The following MAST4 variants were observed in gnomAD, a reference collection of about 807,000 sequenced individuals.
The protein encoded by MAST4 is microtubule associated serine/threonine kinase family member 4, also known as microtubule-associated serine/threonine-protein kinase 4.
MAST4 carries 89 observed loss-of-function variants against 162.7 expected under a neutral mutation model. That is an observed-to-expected ratio of 0.55 (90% CI 0.46 to 0.65). The LOEUF (loss-of-function observed/expected upper bound fraction) is 0.65, where lower values mean the gene tolerates loss of function less well. Ranked by LOEUF, MAST4 falls within the 30% of genes least tolerant of loss-of-function variation. The pLI is 0.00. For missense variants in MAST4, 3,153 were observed against 3,374.0 expected (o/e 0.93, Z 1.62); for synonymous variants, 1,479 against 1,361.1 (o/e 1.09, Z -1.91).
At chr5:67,075,492 A>G (rs1454875440) in intron 5 of MAST4, among the ~76,000 whole-genome samples, 10 of 148,252 alleles carry the variant, frequency 6.7e-5, no homozygotes, top group South Asian at 2.2e-4. Context: ...TGTTTTTTTT[A>G]TGACATGCAT....
At position 66,883,420 on chromosome 5, in the gene MAST4, C is replaced by CT. The variant is rs1484230630; in HGVS notation, c.643-16530dup. On this transcript the variant is annotated intron_variant, in intron 3 of 28. Coordinates refer to ENST00000403625, the MANE Select transcript of MAST4 (RefSeq NM_001164664.2). ...AGGGCACAGTTGTGTTGTTCTGTCA[C>CT]TGTTTTTTTTTTTTTTTTTTTTTTT... Among the ~76,000 whole-genome samples, 22 of 125,522 alleles carry CT rather than the reference C, an allele frequency of 1.8e-4. 2 individuals are homozygous for CT. Among genetic ancestry groups the CT allele is most frequent in the Non-Finnish European group, 2.3e-4 (14 of 60,962 alleles). The allele number at this position is 125,522 out of a possible 152,430, so 82.3% of individuals were successfully genotyped here.
chr5:66,728,648 A>G (rs1751660353), intron 1 of MAST4, among the ~76,000 whole-genome samples: 1 of 152,214 alleles, frequency 6.6e-6, no homozygotes, highest in African/African-American at 2.4e-5. Context: ...TTTAGCTCAA[A>G]TCATTAGTAA....
At chr5:66,636,567 T>C (rs939047287) in intron 1 of MAST4, among the ~76,000 whole-genome samples, 1 of 152,192 alleles carries the variant, frequency 6.6e-6, no homozygotes, top group Admixed American at 6.5e-5. Context: ...CTAATCTAGA[T>C]GCAGATTAGA....
chr5:66,848,789 A>G (rs1759081699), intron 3 of MAST4, among the ~76,000 whole-genome samples: 1 of 152,062 alleles, frequency 6.6e-6, no homozygotes, highest in Admixed American at 6.6e-5. Context: ...AGTTGTACTC[A>G]TGATTTAAGA....
intron 1 of MAST4, among the ~76,000 whole-genome samples, chr5:66,605,929 G>A (rs1388390418): frequency 6.6e-6 from 1 of 152,154 alleles, no homozygotes; most frequent in Non-Finnish European, 1.5e-5. Context: ...GCAGCCTGAG[G>A]GCAACCGTTT....
chr5:67,059,207 T>C (rs542994044), intron 5 of MAST4, among the ~76,000 whole-genome samples: 1 of 152,312 alleles, frequency 6.6e-6, no homozygotes, highest in African/African-American at 2.4e-5. Context: ...TCTGCGATCT[T>C]GTAGCCAGCA....
intron 3 of MAST4, among the ~76,000 whole-genome samples, chr5:66,888,895 C>T (rs1213502397): frequency 6.6e-6 from 1 of 152,136 alleles, no homozygotes; most frequent in Non-Finnish European, 1.5e-5. Context: ...TCACTTCTTT[C>T]CCAGGGCATT....
intron 26 of MAST4, among the ~76,000 whole-genome samples, chr5:67,159,856 G>T (rs1772987755): frequency 6.6e-6 from 1 of 152,166 alleles, no homozygotes; most frequent in Admixed American, 6.5e-5. Context: ...TTCCAGCTCT[G>T]CAAACTGATA....
chr5:66,912,451 C>G (rs1763841011), intron 4 of MAST4, among the ~76,000 whole-genome samples: 1 of 152,074 alleles, frequency 6.6e-6, no homozygotes, highest in Non-Finnish European at 1.5e-5. Flanking sequence ...TAAAACCAGT[C>G]CTTGTGGATT....
intron 1 of MAST4, among the ~76,000 whole-genome samples, chr5:66,624,359 T>C (rs764629261): frequency 3.9e-5 from 6 of 151,938 alleles, no homozygotes; most frequent in Non-Finnish European, 7.4e-5. Flanking sequence ...TTCACCGTAT[T>C]AGTCAGGATG....
chr5:66,668,650 C>T (rs1561249997), intron 1 of MAST4, among the ~76,000 whole-genome samples: 2 of 152,166 alleles, frequency 1.3e-5, no homozygotes, highest in South Asian at 2.1e-4. Flanking sequence ...AGTGTTAATT[C>T]GTGTAAAGTG....
chr5:66,756,668 G>GA (rs1753558312), intron 1 of MAST4, among the ~76,000 whole-genome samples: 1 of 152,192 alleles, frequency 6.6e-6, no homozygotes, highest in South Asian at 2.1e-4. Context: ...GACAAAAAAT[G>GA]AAAAATAAAT....
At chr5:66,875,119 C>T (rs1761208196) in intron 3 of MAST4, among the ~76,000 whole-genome samples, 1 of 152,162 alleles carries the variant, frequency 6.6e-6, no homozygotes. Context: ...TGGTAATTAA[C>T]ACCTTCCTAG....
At chr5:67,146,703 G>C (rs767137083) in intron 23 of MAST4, among the ~76,000 whole-genome samples, 5 of 152,178 alleles carry the variant, frequency 3.3e-5, no homozygotes, top group Admixed American at 6.5e-5. Context: ...TTTATTGTGG[G>C]GGAAAATAAT....
chr5:66,763,897 A>T (rs1454820375), intron 2 of MAST4, among the ~76,000 whole-genome samples: 1 of 152,184 alleles, frequency 6.6e-6, no homozygotes, highest in Non-Finnish European at 1.5e-5. Flanking sequence ...ACTGAGGAGG[A>T]GGAAAACAAT....
Position 67,054,504 on chromosome 5 carries a change from C to A in MAST4, c.763+12C>A. On this transcript the variant is annotated intron_variant, in intron 5 of 28. Transcript: ENST00000403625. ...CTCTGCTCATGCAGGTAATTGGTTA[C>A]CATTTCTTGAGTTTTGTTTTATTTC... The A allele has an allele frequency of 6.3e-7, 1 of 1,587,850 alleles. No homozygotes were observed. The highest frequency in any genetic ancestry group is 8.6e-7 in the Non-Finnish European group (1 of 1,169,346).
intron 3 of MAST4, among the ~76,000 whole-genome samples, chr5:66,897,200 C>T (rs1020488214): frequency 9.2e-5 from 14 of 152,138 alleles, no homozygotes; most frequent in Admixed American, 5.2e-4. Context: ...CCAATTCTTA[C>T]GTGACAGTAA....
At chr5:67,156,138 A>G (rs1772492359) in intron 26 of MAST4, among the ~76,000 whole-genome samples, 1 of 152,120 alleles carries the variant, frequency 6.6e-6, no homozygotes, top group Non-Finnish European at 1.5e-5. Flanking sequence ...CACTCTTGTC[A>G]ATGGTTTTAC....
chr5:67,127,932 T>C (rs1768461654), intron 14 of MAST4, among the ~76,000 whole-genome samples: 1 of 152,228 alleles, frequency 6.6e-6, no homozygotes, highest in Middle Eastern at 3.2e-3. Flanking sequence ...GAAGTCCTTT[T>C]CAAGAAAGCC....
Sources: allele counts gnomAD v4.1 joint callset (sites outside exome capture counted in the v4.1 genomes callset), GRCh38; gene constraint gnomAD v4.1.1; transcripts MANE v1.5; gene names NCBI Gene and HGNC (gene_info 2026-07-23, HGNC 2026-07-21).